Variants in PLAUR observed in about 807,000 individuals in gnomAD.
The protein encoded by PLAUR is plasminogen activator, urokinase receptor, also known as urokinase plasminogen activator surface receptor.
PLAUR carries 22 observed loss-of-function variants against 33.4 expected under a neutral mutation model. The observed-to-expected ratio is 0.66, with a 90% CI of 0.47 to 0.94. The LOEUF (loss-of-function observed/expected upper bound fraction) is 0.94. Ranked by LOEUF, PLAUR falls within the 40% of genes least tolerant of loss-of-function variation. PLAUR has a pLI of 0.00. For synonymous variants in PLAUR, 148 were observed against 167.3 expected (o/e 0.88, Z 0.89); for missense variants, 408 against 434.7 (o/e 0.94, Z 0.55).
In PLAUR at chr19:43,665,809, T is replaced by TAG. The variant is rs1264392807; in HGVS notation, c.167-351_167-350insCT. ...CTCCCGAGTAGCTGGAACCACAGGC[T>TAG]TACATCACCACACCCTGCTAATTTT... On this transcript the variant is annotated intron_variant, in intron 2 of 6. Transcript: ENST00000340093. 1.2e-3 allele frequency among the ~76,000 whole-genome samples: 174 copies of TAG among 147,400 alleles called. 1 individual carries two copies. Among genetic ancestry groups the TAG allele is most frequent in the African/African-American group, 3.9e-3 (154 of 39,680 alleles).
In PLAUR at chr19:43,650,764, G is replaced by T. The variant is rs929499273; in HGVS notation, c.754+1461C>A. 3.9e-5 allele frequency among the ~76,000 whole-genome samples: 6 copies of T among 152,016 alleles called. No homozygotes were observed. The East Asian group carries it at 9.7e-4, about 25-fold the overall frequency. On this transcript the variant is annotated intron_variant, in intron 6 of 6. Coordinates refer to ENST00000340093, the MANE Select transcript of PLAUR (RefSeq NM_002659.4). ...GATTTCTCAGTTTTGGCTGGGCACG[G>T]TGGCTCACATCTGTAATCCCAGCAC...
chr19:43,646,245 G>A, downstream of PLAUR: 1 of 505,774 alleles, frequency 2.0e-6, no homozygotes, highest in Non-Finnish European at 3.6e-6. Context: ...GTCCTTCCAT[G>A]ATGTTTTGAT....
intron 6 of PLAUR, among the ~76,000 whole-genome samples, chr19:43,651,203 C>T (rs4251916): frequency 0.093 from 14,126 of 151,428 alleles, 861 homozygotes; most frequent in Middle Eastern, 0.19. Flanking sequence ...CTCAGCCTCC[C>T]GAGTAGCTGG....
chr19:43,669,826 AAAAAAAAG>A (rs1167984184), intron 1 of PLAUR, among the ~76,000 whole-genome samples: 2 of 151,718 alleles, frequency 1.3e-5, no homozygotes, highest in African/African-American at 4.8e-5. Context: ...AAAAAAAAAA[AAAAAAAAG>A]CACTCACTAA....
chr19:43,670,050 G>A lies in PLAUR; in HGVS notation c.55+16C>T, dbSNP rs779258618. 2 of 1,612,324 alleles carry A rather than the reference G, an allele frequency of 1.2e-6. No homozygotes were observed. Among genetic ancestry groups the A allele is most frequent in the South Asian group, 1.1e-5 (1 of 90,962 alleles). The stretch of plus-strand genomic sequence containing the variant: ...GACCCTGTTCCAGGCGCAGGCGTTC[G>A]GGACCCAGCCCCTACCTGGGACGCA... On this transcript the variant is annotated intron_variant, in intron 1 of 6. Transcript: ENST00000340093.
intron 3 of PLAUR, among the ~76,000 whole-genome samples, chr19:43,657,417 C>A (rs1447587327): frequency 6.6e-6 from 1 of 152,196 alleles, no homozygotes; most frequent in Non-Finnish European, 1.5e-5. Context: ...CTCCACTACA[C>A]CCTGAGACTC....
downstream of PLAUR, among the ~76,000 whole-genome samples, chr19:43,647,662 C>T (rs1012881533): frequency 3.9e-5 from 6 of 151,990 alleles, no homozygotes; most frequent in Admixed American, 2.0e-4. Flanking sequence ...CAAAATTAGC[C>T]GGGTGTGGTG....
intron 1 of PLAUR, among the ~76,000 whole-genome samples, chr19:43,668,640 A>C (rs1967379330): frequency 9.3e-6 from 1 of 107,242 alleles, no homozygotes; most frequent in African/African-American, 3.8e-5. Flanking sequence ...CCAGCCCCGT[A>C]GCTCCTCCCC....
Position 43,652,333 on chromosome 19 carries a change from A to G in PLAUR, c.646T>C (p.Cys216Arg). Residue 216 changes from cysteine (C) to arginine (R), a missense_variant, in exon 6 of 7, where the codon TGT (cysteine) becomes CGT (arginine). Physicochemically the swap from Cys to Arg is radical, Grantham distance 180 (BLOSUM62 -3). Transcript: ENST00000340093. ...GTGCTGTTCCCCTTGCAGCTGTAAC[A>G]CTGGCGGCCATTCTGCGGCAGATTT... ...LENLPQNGRQ[C>R]YSCKGNSTHG... The G allele has an allele frequency of 6.2e-7, 1 of 1,614,108 alleles. No homozygotes were observed. Among genetic ancestry groups the G allele is most frequent in the South Asian group, 1.1e-5 (1 of 91,078 alleles).
chr19:43,667,790 GC>G, intron 1 of PLAUR, 99 bp from the exon 2 acceptor site: 1 of 1,514,784 alleles, frequency 6.6e-7, no homozygotes, highest in Non-Finnish European at 8.9e-7. Context: ...AAGTCTCCAG[GC>G]CCCGTCCATT....
intron 5 of PLAUR, among the ~76,000 whole-genome samples, chr19:43,653,387 G>A (rs868829439): frequency 1.3e-5 from 2 of 152,326 alleles, no homozygotes; most frequent in Middle Eastern, 6.8e-3. Flanking sequence ...CATTAAAGCT[G>A]AGGCCTAATG....
Position 43,670,077 on chromosome 19 carries a change from G to A in PLAUR, c.44C>T (p.Thr15Ile), listed in dbSNP as rs1703472410. 2 of 1,613,406 alleles carry A rather than the reference G, an allele frequency of 1.2e-6. No homozygotes were observed. Among genetic ancestry groups the A allele is most frequent in the Non-Finnish European group, 1.7e-6 (2 of 1,179,734 alleles). The change falls in exon 1 of 7, where the codon ACC (threonine) becomes ATC (isoleucine). Residue 15 changes from threonine (T) to isoleucine (I), a missense_variant. Thr to Ile is a moderately conservative substitution (Grantham distance 89). Transcript: ENST00000340093. ...GACCCAGCCCCTACCTGGGACGCAG[G>A]TGTGGAGCAGCAGCAGCAGCGGCAG... ...PLLPLLLLLHTCVPASWGLRC... is the reference protein window; with the variant it reads ...PLLPLLLLLHICVPASWGLRC...
chr19:43,654,049 G>A (rs1334043977), intron 5 of PLAUR, among the ~76,000 whole-genome samples: 2 of 151,948 alleles, frequency 1.3e-5, no homozygotes, highest in Non-Finnish European at 1.5e-5. Flanking sequence ...GCGTGAACCC[G>A]GGAGGCGGAG....
downstream of PLAUR, chr19:43,646,213 A>G (rs1973824040): frequency 2.4e-6 from 1 of 414,064 alleles, no homozygotes; most frequent in South Asian, 2.7e-5. Context: ...TGCTAGGACT[A>G]CAGGCATGAG....
chr19:43,649,200 C>T (rs1973890196), intron 6 of PLAUR, 57 bp from the exon 7 acceptor site: 1 of 1,574,404 alleles, frequency 6.4e-7, no homozygotes, highest in Non-Finnish European at 8.7e-7. Flanking sequence ...GACTGGAATT[C>T]TCCAGTAGGT....
intron 3 of PLAUR, among the ~76,000 whole-genome samples, chr19:43,663,300 TACACACACACACACACACACAC>T (rs59542257): frequency 1.8e-4 from 24 of 131,908 alleles, no homozygotes; most frequent in African/African-American, 4.9e-4. Flanking sequence ...CTGTCACCCC[TACACACACACACACACACACAC>T]ACACACACAC....
At chr19:43,660,088 AG>A (rs1280442910) in intron 3 of PLAUR, among the ~76,000 whole-genome samples, 1 of 151,658 alleles carries the variant, frequency 6.6e-6, no homozygotes, top group African/African-American at 2.4e-5. Context: ...ATACCTTGTA[AG>A]GTTTTTTGTT....
At chr19:43,656,175 C>T (rs191598390) in intron 4 of PLAUR, among the ~76,000 whole-genome samples, 1 of 151,886 alleles carries the variant, frequency 6.6e-6, no homozygotes, top group Admixed American at 6.6e-5. Context: ...ATCACTTGAA[C>T]CTGGGAGGCG....
chr19:43,665,485 C>T (rs371882099), intron 2 of PLAUR, 26 bp from the exon 3 acceptor site: 31 of 1,610,912 alleles, frequency 1.9e-5, no homozygotes, highest in Non-Finnish European at 2.5e-5. Context: ...CTTCATTACC[C>T]CAGAGGCTCC....
Sources: allele counts gnomAD v4.1 joint callset (sites outside exome capture counted in the v4.1 genomes callset), GRCh38; gene constraint gnomAD v4.1.1; transcripts MANE v1.5; gene names NCBI Gene and HGNC (gene_info 2026-07-23, HGNC 2026-07-21).